Variants in AKNAD1 observed in about 807,000 individuals in gnomAD.
AKNAD1 encodes the protein protein AKNAD1.
AKNAD1 carries 67 observed loss-of-function variants against 90.8 expected under a neutral mutation model. The ratio of observed to expected loss-of-function variants is 0.74; its 90% CI spans 0.61 to 0.90. The LOEUF (loss-of-function observed/expected upper bound fraction) is 0.90, where lower values mean the gene tolerates loss of function less well. Ranked by LOEUF, AKNAD1 falls within the 40% of genes least tolerant of loss-of-function variation. The probability of loss-of-function intolerance (pLI) is 0.00; values close to 1 mark genes in which losing one functional copy is unlikely to be tolerated. For synonymous variants in AKNAD1, 327 were observed against 341.4 expected, an observed-to-expected ratio of 0.96 and a Z score of 0.46; for missense variants, 957 against 975.4, an observed-to-expected ratio of 0.98 and a Z score of 0.25.
At chr1:108,843,627 C>G (rs1664617734) in intron 5 of AKNAD1, among the ~76,000 whole-genome samples, 1 of 152,192 alleles carries the variant, frequency 6.6e-6, no homozygotes, top group Admixed American at 6.5e-5. Flanking sequence ...CTTATTTAAT[C>G]AACACATCAA....
rs1664423079 is a variant in AKNAD1 at position 108,837,572 on chromosome 1, G to A, written c.1514C>T (p.Thr505Ile). Residue 505 changes from threonine (T) to isoleucine (I), a missense_variant, in exon 7 of 16, where the codon ACC (threonine) becomes ATC (isoleucine). Transcript: ENST00000370001. The stretch of plus-strand genomic sequence containing the variant: ...TACCTCATTTGAGAGTGAAGAGAAG[G>A]TGGAGGCCAAGTCATCCAGGGTAAC... ...SPVTLDDLAS[T>I]FSSLSNEIPK... 4.3e-6 allele frequency: 7 copies of A among 1,614,002 alleles called. No homozygotes were observed. The South Asian group carries it at 6.6e-5, about 15-fold the overall frequency.
intron 11 of AKNAD1, among the ~76,000 whole-genome samples, 181 bp downstream of exon 11, chr1:108,827,024 G>A (rs1384244605): frequency 6.6e-6 from 1 of 151,488 alleles, no homozygotes; most frequent in Non-Finnish European, 1.5e-5. Context: ...TTACAGGCAT[G>A]AGCCCCCATG....
intron 10 of AKNAD1, among the ~76,000 whole-genome samples, chr1:108,828,543 A>C (rs1664085567): frequency 6.6e-6 from 1 of 151,838 alleles, no homozygotes; most frequent in African/African-American, 2.4e-5. Context: ...CAGATTGCCC[A>C]GGGCTAGGGT....
At chr1:108,847,632 G>T (rs184968024) in intron 5 of AKNAD1, among the ~76,000 whole-genome samples, 2 of 151,680 alleles carry the variant, frequency 1.3e-5, no homozygotes, top group Non-Finnish European at 2.9e-5. Context: ...CACACTGGCA[G>T]CACTTCCTCA....
intron 3 of AKNAD1, 118 bp downstream of exon 3, chr1:108,849,419 C>T: frequency 1.4e-6 from 1 of 694,396 alleles, no homozygotes; most frequent in East Asian, 2.7e-5. Context: ...GTCAAGGCTG[C>T]AATGAACCAA....
At chr1:108,852,833 C>A in intron 1 of AKNAD1, 66 bp from the exon 2 acceptor site, 3 of 532,520 alleles carry the variant, frequency 5.6e-6, no homozygotes, top group Non-Finnish European at 8.9e-6. Flanking sequence ...TATGCCAGAA[C>A]AAAGTGGATG....
rs188443112 is a variant in AKNAD1 at position 108,847,277 on chromosome 1, G to A, written c.1245+1475C>T. 5.2e-3 allele frequency among the ~76,000 whole-genome samples: 790 copies of A among 151,896 alleles called. 5 individuals are homozygous for A. The highest frequency in any genetic ancestry group is 0.012 in the Admixed American group (188 of 15,248). ...AGCCCAGCCAACATGGTGAAACCCC[G>A]TCTCTACTAAAAATACAAAAATTAG... On this transcript the variant is annotated intron_variant, in intron 5 of 15. Coordinates refer to ENST00000370001, the MANE Select transcript of AKNAD1 (RefSeq NM_152763.5).
chr1:108,853,930 C>T lies in AKNAD1; in HGVS notation c.-103-1163G>A, dbSNP rs1217025233. On this transcript the variant is annotated intron_variant, in intron 1 of 15. Transcript: ENST00000370001. Reference sequence around the variant, plus strand: ...CAGCCTAGGTGACAGAGAGAGACCCCGTCTCAAAAAAAGAAAAAAAAAGAA... The same window carrying T: ...CAGCCTAGGTGACAGAGAGAGACCCTGTCTCAAAAAAAGAAAAAAAAAGAA... Among the ~76,000 whole-genome samples the T allele has an allele frequency of 5.4e-5, 4 of 74,612 alleles. 1 individual carries two copies. Among genetic ancestry groups the T allele is most frequent in the African/African-American group, 1.7e-4 (3 of 18,072 alleles). The allele number at this position is 74,612 out of a possible 152,430, so 48.9% of individuals were successfully genotyped here.
In AKNAD1 at chr1:108,823,387, C is replaced by T; in HGVS notation, c.2150G>A (p.Ser717Asn). ...AFVQPHSLDE[S>N]KNSSPSFLKP... Reference sequence around the variant, plus strand: ...GTACTTACAGGGTGAAGAGTTTTTACTTTCATCTAAAGAATGGGGCTGGAC... The same window carrying T: ...GTACTTACAGGGTGAAGAGTTTTTATTTTCATCTAAAGAATGGGGCTGGAC... The change falls in exon 13 of 16, where the codon AGT (serine) becomes AAT (asparagine). Residue 717 changes from serine to asparagine, a missense_variant. Coordinates refer to ENST00000370001, the MANE Select transcript of AKNAD1 (RefSeq NM_152763.5). The T allele has an allele frequency of 1.2e-6, 2 of 1,613,626 alleles. No individual in the cohort carries two copies. The highest frequency in any genetic ancestry group is 1.7e-6 in the Non-Finnish European group (2 of 1,179,550).
chr1:108,851,295 C>A (rs981273162), intron 2 of AKNAD1, among the ~76,000 whole-genome samples: 1 of 152,150 alleles, frequency 6.6e-6, no homozygotes, highest in African/African-American at 2.4e-5. Context: ...ACAAGCAGGT[C>A]TTTGGCAAGT....
chr1:108,844,663 T>C (rs906974105), intron 5 of AKNAD1, among the ~76,000 whole-genome samples: 1 of 152,120 alleles, frequency 6.6e-6, no homozygotes, highest in African/African-American at 2.4e-5. Context: ...CTCTGTCACT[T>C]ACTCATTGTA....
rs894921116 is a variant in AKNAD1 at position 108,816,029 on chromosome 1, G to A, written c.*142C>T. Reference sequence around the variant, plus strand: ...TTTTTCTTTTTCCTTTAAGTACTTTGTGTTACCCATTTCTTATGGTTTCTG... The same window carrying A: ...TTTTTCTTTTTCCTTTAAGTACTTTATGTTACCCATTTCTTATGGTTTCTG... On this transcript the variant is annotated 3_prime_UTR_variant, in exon 16 of 16. Coordinates refer to ENST00000370001, the MANE Select transcript of AKNAD1 (RefSeq NM_152763.5). 16 of 797,652 alleles carry A rather than the reference G, an allele frequency of 2.0e-5. No individual in the cohort carries two copies. Among genetic ancestry groups the A allele is most frequent in the Non-Finnish European group, 2.7e-5 (15 of 553,960 alleles). 49.4% of individuals were successfully genotyped at this position (797,652 alleles called of 1,614,324 possible).
chr1:108,824,308 A>T (rs1455309450), intron 11 of AKNAD1, among the ~76,000 whole-genome samples: 1 of 152,186 alleles, frequency 6.6e-6, no homozygotes, highest in East Asian at 1.9e-4. Flanking sequence ...GCGGGTGAGC[A>T]TGTCAGGACT....
chr1:108,817,310 C>T, intron 14 of AKNAD1, 133 bp from the exon 15 acceptor site: 1 of 1,160,644 alleles, frequency 8.6e-7, no homozygotes, highest in Non-Finnish European at 1.2e-6. Context: ...CGCTGCCCTC[C>T]TAGCTCTCAT....
chr1:108,854,270 G>A (rs562674990), intron 1 of AKNAD1, among the ~76,000 whole-genome samples: 120 of 152,298 alleles, frequency 7.9e-4, no homozygotes, highest in African/African-American at 2.8e-3. Context: ...CTCAGAAGTA[G>A]TAATCTCAAG....
intron 13 of AKNAD1, among the ~76,000 whole-genome samples, chr1:108,822,334 C>G (rs952136720): frequency 6.6e-5 from 10 of 152,118 alleles, no homozygotes; most frequent in Admixed American, 6.6e-4. Context: ...ACTTCTACCC[C>G]CTTAGTTAGC....
At position 108,820,591 on chromosome 1, in the gene AKNAD1, C is replaced by G. The variant is rs779539017; in HGVS notation, c.2203G>C (p.Val735Leu). The change falls in exon 14 of 16, where the codon GTG becomes CTG. Residue 735 changes from valine (V) to leucine (L), a missense_variant. Transcript: ENST00000370001. ...LKPKRICSQR[V>L]NSKSFKGEHE... ...TCACCTTTAAAGGATTTTGAATTCACTCTCTGAGAACAGATCCGTTTGGGT... is the reference window on the plus strand; with the variant it reads ...TCACCTTTAAAGGATTTTGAATTCAGTCTCTGAGAACAGATCCGTTTGGGT... 6.2e-7 allele frequency: 1 copy of G among 1,611,704 alleles called. No homozygotes were observed. Among genetic ancestry groups the G allele is most frequent in the Non-Finnish European group, 8.5e-7 (1 of 1,178,276 alleles).
intron 9 of AKNAD1, among the ~76,000 whole-genome samples, chr1:108,833,814 T>C (rs2101184944): frequency 6.6e-6 from 1 of 152,034 alleles, no homozygotes; most frequent in Middle Eastern, 3.4e-3. Flanking sequence ...ATTAGCAGAA[T>C]GCAGGGAGGT....
At chr1:108,821,495 A>G (rs2788437) in intron 13 of AKNAD1, among the ~76,000 whole-genome samples, 44,039 of 152,060 alleles carry the variant, frequency 0.29, 7,106 homozygotes, top group East Asian at 0.7. Context: ...GATAGAAACC[A>G]GGAGTTTAGG....
Sources: allele counts gnomAD v4.1 joint callset (sites outside exome capture counted in the v4.1 genomes callset), GRCh38; gene constraint gnomAD v4.1.1; transcripts MANE v1.5; gene names NCBI Gene and HGNC (gene_info 2026-07-23, HGNC 2026-07-21).